Variants in VPS35L observed in about 807,000 individuals in gnomAD.
VPS35L encodes the protein VPS35 endosomal protein-sorting factor-like.
VPS35L carries 83 observed loss-of-function variants against 133.0 expected under a neutral mutation model. The observed-to-expected ratio is 0.62, with a 90% CI of 0.52 to 0.75. The LOEUF is 0.75. Among genes scored for constraint, VPS35L ranks in the 30% least tolerant of loss-of-function variants. VPS35L has a pLI of 0.00. For synonymous variants in VPS35L, 423 were observed against 449.9 expected (o/e 0.94, Z 0.76); for missense variants, 1,083 against 1,206.8 (o/e 0.90, Z 1.52).
intron 14 of VPS35L, among the ~76,000 whole-genome samples, chr16:19,621,450 G>A (rs1405531002): frequency 6.6e-6 from 1 of 152,210 alleles, no homozygotes; most frequent in Non-Finnish European, 1.5e-5. Context: ...GTGGCATGTA[G>A]GGCCAACAGC....
At chr16:19,659,733 G>T (rs576599650) in intron 26 of VPS35L, among the ~76,000 whole-genome samples, 7 of 152,288 alleles carry the variant, frequency 4.6e-5, no homozygotes, top group Admixed American at 3.9e-4. Context: ...AGACCACAAG[G>T]CTTTGCCAAA....
intron 6 of VPS35L, 123 bp from the exon 7 acceptor site, chr16:19,581,402 C>A: frequency 8.7e-7 from 1 of 1,143,264 alleles, no homozygotes; most frequent in Non-Finnish European, 1.2e-6. Context: ...AGCTGTCAAT[C>A]CTGGCGGGGA....
At chr16:19,670,374 A>G (rs1223774563) in intron 27 of VPS35L, among the ~76,000 whole-genome samples, 1 of 152,236 alleles carries the variant, frequency 6.6e-6, no homozygotes, top group Non-Finnish European at 1.5e-5. Flanking sequence ...CCAGCATGGA[A>G]TCCTGGCCCA....
At chr16:19,681,846 C>T (rs1353748799) in intron 27 of VPS35L, among the ~76,000 whole-genome samples, 1 of 151,056 alleles carries the variant, frequency 6.6e-6, no homozygotes, top group Non-Finnish European at 1.5e-5. Flanking sequence ...CTACGATACC[C>T]GCGATCCTGC....
intron 18 of VPS35L, among the ~76,000 whole-genome samples, chr16:19,630,527 G>C (rs972548906): frequency 1.2e-4 from 18 of 151,706 alleles, no homozygotes; most frequent in African/African-American, 4.4e-4. Context: ...GTAGAGACAG[G>C]GTTTCACCAT....
At chr16:19,586,463 C>T (rs1971868589) in intron 7 of VPS35L, among the ~76,000 whole-genome samples, 1 of 152,140 alleles carries the variant, frequency 6.6e-6, no homozygotes, top group Admixed American at 6.5e-5. Flanking sequence ...CCTCAGCCTC[C>T]TGAGTAGCTG....
rs575828109 is a variant in VPS35L at position 19,562,162 on chromosome 16, C to T, written c.18-2689C>T. 3.4e-4 allele frequency among the ~76,000 whole-genome samples: 52 copies of T among 152,054 alleles called. No homozygotes were observed. The East Asian group carries it at 4.0e-3, about 12-fold the overall frequency. Reference sequence around the variant, plus strand: ...AAAGGAAATGAGACAGGCTTTATTCCGGGGGGCTACTATAGTGGGGTTTTG... The same window carrying T: ...AAAGGAAATGAGACAGGCTTTATTCTGGGGGGCTACTATAGTGGGGTTTTG... On this transcript the variant is annotated intron_variant, in intron 1 of 30. Transcript: ENST00000417362.
intron 13 of VPS35L, 31 bp from the exon 14 acceptor site, chr16:19,616,655 C>A: frequency 6.2e-7 from 1 of 1,605,682 alleles, no homozygotes; most frequent in South Asian, 1.1e-5. Context: ...TTTTCCCCTC[C>A]TTTTCTAAGT....
Position 19,569,465 on chromosome 16 carries a change from C to T in VPS35L, c.159C>T (p.Ser53=). The T allele has an allele frequency of 6.2e-7, 1 of 1,604,754 alleles. No homozygotes were observed. The highest frequency in any genetic ancestry group is 2.2e-5 in the East Asian group (1 of 44,828). ...SKTKKVNRKG[S]TSSTSSSSSS... ...CAAAGAAAGTGAACCGGAAAGGAAG[C>T]ACTTCTTCCACGTCCTCCTCCTCCT... Residue 53 remains serine, a synonymous_variant, in exon 3 of 31, where the codon AGC becomes AGT. Coordinates refer to ENST00000417362, the MANE Select transcript of VPS35L (RefSeq NM_020314.7).
chr16:19,650,318 T>C, intron 24 of VPS35L, 64 bp from the exon 25 acceptor site: 2 of 1,282,568 alleles, frequency 1.6e-6, no homozygotes, highest in South Asian at 1.2e-5. Flanking sequence ...GAGATCTCTA[T>C]GGAAGACACT....
At chr16:19,590,689 C>A (rs962259710) in intron 7 of VPS35L, among the ~76,000 whole-genome samples, 5 of 152,120 alleles carry the variant, frequency 3.3e-5, no homozygotes, top group Admixed American at 6.6e-5. Flanking sequence ...TGGCTCATAC[C>A]TGTATTTCCA....
chr16:19,698,797 C>G (rs572412624), intron 29 of VPS35L, among the ~76,000 whole-genome samples: 60 of 152,194 alleles, frequency 3.9e-4, no homozygotes, highest in African/African-American at 1.4e-3. Context: ...TTTCCAGGGG[C>G]CTTCGTTTAC....
chr16:19,697,449 C>T, intron 29 of VPS35L, among the ~76,000 whole-genome samples: 1 of 152,162 alleles, frequency 6.6e-6, no homozygotes, highest in East Asian at 1.9e-4. Context: ...ATCCTCCAGC[C>T]TCAGCCTCCT....
At chr16:19,667,894 T>G (rs905900023) in intron 26 of VPS35L, among the ~76,000 whole-genome samples, 5 of 152,138 alleles carry the variant, frequency 3.3e-5, no homozygotes, top group Admixed American at 6.6e-5. Context: ...TGGGGCTTAA[T>G]AAATGTGGAA....
chr16:19,685,227 ACT>A (rs1330269975), intron 28 of VPS35L, among the ~76,000 whole-genome samples: 1 of 151,412 alleles, frequency 6.6e-6, no homozygotes, highest in African/African-American at 2.4e-5. Flanking sequence ...AAGACACACC[ACT>A]CTCTCTCCTG....
intron 7 of VPS35L, among the ~76,000 whole-genome samples, chr16:19,584,729 G>A (rs1046617580): frequency 6.6e-6 from 1 of 151,346 alleles, no homozygotes; most frequent in African/African-American, 2.4e-5. Context: ...TGCCCAGGCT[G>A]GAGTGCAGTG....
At chr16:19,650,292 G>A (rs1207744935) in intron 24 of VPS35L, 90 bp from the exon 25 acceptor site, 5 of 1,062,996 alleles carry the variant, frequency 4.7e-6, no homozygotes, top group Non-Finnish European at 7.3e-6. Context: ...TCATTGACCT[G>A]TATGTAGTTA....
chr16:19,697,661 G>A (rs765225862), intron 29 of VPS35L, among the ~76,000 whole-genome samples: 54 of 152,162 alleles, frequency 3.5e-4, no homozygotes, highest in Non-Finnish European at 6.2e-4. Flanking sequence ...GCCACCGAGA[G>A]TAGTTGAGAA....
At chr16:19,561,513 G>T (rs2151498292) in intron 1 of VPS35L, among the ~76,000 whole-genome samples, 1 of 152,296 alleles carries the variant, frequency 6.6e-6, no homozygotes, top group African/African-American at 2.4e-5. Flanking sequence ...TGCTGGCTTG[G>T]GTTTCTGGGT....
Sources: gnomAD v4.1 joint callset for allele counts (sites outside exome capture counted in the v4.1 genomes callset) on GRCh38, gnomAD v4.1.1 for gene constraint, MANE v1.5 for transcripts, NCBI Gene and HGNC (gene_info 2026-07-23, HGNC 2026-07-21) for gene names.